The following ITK variants were observed in gnomAD, a reference collection of about 807,000 sequenced individuals.
ITK encodes the protein tyrosine-protein kinase ITK/TSK.
In ITK, 45 loss-of-function variants were observed where a neutral mutation model predicts 87.6. The observed-to-expected ratio is 0.51, with a 90% CI of 0.40 to 0.66. The LOEUF (loss-of-function observed/expected upper bound fraction) is 0.66. Among genes scored for constraint, ITK ranks in the 30% least tolerant of loss-of-function variants. The probability of loss-of-function intolerance (pLI) is 0.00; values close to 1 mark genes in which losing one functional copy is unlikely to be tolerated. For missense variants in ITK, 605 were observed against 766.3 expected, an observed-to-expected ratio of 0.79 and a Z score of 2.48; for synonymous variants, 303 against 273.6, an observed-to-expected ratio of 1.11 and a Z score of -1.06.
intron 7 of ITK, among the ~76,000 whole-genome samples, 162 bp downstream of exon 7, chr5:157,228,523 T>TA (rs1474986861): frequency 5.9e-5 from 9 of 152,120 alleles, no homozygotes; most frequent in East Asian, 1.9e-4. Context: ...GGCTTTCCAC[T>TA]AAAAAAACCA....
At chr5:157,214,340 TC>T in intron 4 of ITK, 21 bp downstream of exon 4, 5 of 1,608,500 alleles carry the variant, frequency 3.1e-6, no homozygotes, top group Non-Finnish European at 4.3e-6. Flanking sequence ...GGGAATTCCC[TC>T]TAGTTTTTGT....
chr5:157,222,109 T>A, intron 5 of ITK, among the ~76,000 whole-genome samples: 1 of 152,210 alleles, frequency 6.6e-6, no homozygotes, highest in East Asian at 1.9e-4. Flanking sequence ...AGAGAACTTG[T>A]GACTTCCTAA....
At chr5:157,198,609 C>A (rs985277646) in intron 1 of ITK, among the ~76,000 whole-genome samples, 1 of 152,152 alleles carries the variant, frequency 6.6e-6, no homozygotes, top group Non-Finnish European at 1.5e-5. Context: ...GTCTTAGCTC[C>A]AGACTTTCCC....
At chr5:157,240,243 G>C in intron 10 of ITK, 48 bp downstream of exon 10, 1 of 1,571,096 alleles carries the variant, frequency 6.4e-7, no homozygotes, top group South Asian at 1.1e-5. Flanking sequence ...CAGGAGGTGA[G>C]CAGCAGGTGA....
chr5:157,213,809 G>A, intron 3 of ITK: 1 of 357,304 alleles, frequency 2.8e-6, no homozygotes, highest in Middle Eastern at 9.7e-4. Flanking sequence ...AAAGGTAGGA[G>A]AGGTGGGGGG....
chr5:157,185,999 C>T (rs981525980), intron 1 of ITK, among the ~76,000 whole-genome samples: 1 of 152,126 alleles, frequency 6.6e-6, no homozygotes, highest in African/African-American at 2.4e-5. Flanking sequence ...TTCACCTAAC[C>T]ATTATAACCA....
chr5:157,242,027 A>G (rs1342554094), intron 11 of ITK, among the ~76,000 whole-genome samples: 1 of 152,240 alleles, frequency 6.6e-6, no homozygotes, highest in Non-Finnish European at 1.5e-5. Flanking sequence ...AAAATATTAG[A>G]AAACCATGCC....
At position 157,237,407 on chromosome 5, in the gene ITK, T is replaced by C. The variant is rs543435525; in HGVS notation, c.769-702T>C. On this transcript the variant is annotated intron_variant, in intron 8 of 16. Coordinates refer to ENST00000422843, the MANE Select transcript of ITK (RefSeq NM_005546.4). ...TGGAAGGAATGGAGAGTGGCAAGGA[T>C]AGAAAAACTACCTATTGGGTAATAT... Among the ~76,000 whole-genome samples the C allele has an allele frequency of 3.9e-5, 6 of 152,312 alleles. No homozygotes were observed. The East Asian group carries it at 1.2e-3, about 29-fold the overall frequency.
At position 157,254,281 on chromosome 5, in the gene ITK, T is replaced by C. The variant is rs1755208078; in HGVS notation, c.*1603T>C. The C allele has an allele frequency of 4.4e-6, 1 of 228,568 alleles. No individual in the cohort carries two copies. The highest frequency in any genetic ancestry group is 2.2e-5 in the African/African-American group (1 of 45,198). The allele number at this position is 228,568 out of a possible 1,614,324, so 14.2% of individuals were successfully genotyped here. A position where few individuals can be genotyped will look rare whatever the true frequency, so the allele number is the denominator to read the frequency against. On this transcript the variant is annotated 3_prime_UTR_variant, in exon 17 of 17. Coordinates refer to ENST00000422843, the MANE Select transcript of ITK (RefSeq NM_005546.4). ...AGGATTTTCCTTTTCCTATTCTGTA[T>C]CCTTACCTTGGTCATGTTAATGACT...
intron 6 of ITK, among the ~76,000 whole-genome samples, chr5:157,223,450 T>C (rs1754467342): frequency 6.6e-6 from 1 of 151,860 alleles, no homozygotes; most frequent in African/African-American, 2.4e-5. Flanking sequence ...ATAGTTATGT[T>C]AGGACGCATC....
In ITK at chr5:157,238,490, A is replaced by G. The variant is rs571715991; in HGVS notation, c.851+299A>G. 8.5e-5 allele frequency among the ~76,000 whole-genome samples: 13 copies of G among 152,360 alleles called. No individual in the cohort carries two copies. The East Asian group carries it at 1.2e-3, about 14-fold the overall frequency. ...GTATTGGATGAGTATATAATTTAATACATAGAATAACAGAAGAGATATTTC... is the reference window on the plus strand; with the variant it reads ...GTATTGGATGAGTATATAATTTAATGCATAGAATAACAGAAGAGATATTTC... On this transcript the variant is annotated intron_variant, in intron 9 of 16. Coordinates refer to ENST00000422843, the MANE Select transcript of ITK (RefSeq NM_005546.4).
At chr5:157,209,642 C>A (rs1382428179) in intron 2 of ITK, among the ~76,000 whole-genome samples, 1 of 152,098 alleles carries the variant, frequency 6.6e-6, no homozygotes, top group East Asian at 1.9e-4. Context: ...GTGCAGTTTA[C>A]TCATGATTTG....
intron 1 of ITK, among the ~76,000 whole-genome samples, chr5:157,192,136 T>C (rs1753763943): frequency 6.6e-6 from 1 of 152,140 alleles, no homozygotes; most frequent in Admixed American, 6.5e-5. Flanking sequence ...GAGGGGAAAA[T>C]ACGTGATCTT....
At chr5:157,182,924 G>A (rs1035729622) in intron 1 of ITK, among the ~76,000 whole-genome samples, 3 of 152,080 alleles carry the variant, frequency 2.0e-5, no homozygotes, top group African/African-American at 7.2e-5. Flanking sequence ...TTTGCATGTA[G>A]ACAAGGTTGT....
intron 1 of ITK, among the ~76,000 whole-genome samples, chr5:157,196,683 C>T (rs996170405): frequency 3.9e-5 from 6 of 152,202 alleles, no homozygotes; most frequent in Non-Finnish European, 7.3e-5. Flanking sequence ...CTTGGTTTTA[C>T]TTGCTGTTCC....
chr5:157,248,811 C>T, intron 15 of ITK, 39 bp from the exon 16 acceptor site: 3 of 1,613,336 alleles, frequency 1.9e-6, no homozygotes, highest in East Asian at 2.2e-5. Context: ...TGTCTGTGGG[C>T]TTTGTCATTC....
At chr5:157,205,550 G>T (rs1754061773) in intron 1 of ITK, among the ~76,000 whole-genome samples, 1 of 152,154 alleles carries the variant, frequency 6.6e-6, no homozygotes, top group Non-Finnish European at 1.5e-5. Context: ...ATGCTTCATA[G>T]GCCACCTTGT....
At chr5:157,228,812 G>A (rs1754588983) in intron 7 of ITK, among the ~76,000 whole-genome samples, 1 of 152,026 alleles carries the variant, frequency 6.6e-6, no homozygotes, top group Non-Finnish European at 1.5e-5. Flanking sequence ...ATTTTTTGTA[G>A]AGACAGGATC....
At chr5:157,213,641 G>A (rs755298542) in intron 3 of ITK, 47 of 438,238 alleles carry the variant, frequency 1.1e-4, no homozygotes, top group Non-Finnish European at 2.0e-4. Context: ...CTCGGCCTAC[G>A]AAAGTACTGG....
Sources: gnomAD v4.1 joint callset for allele counts (sites outside exome capture counted in the v4.1 genomes callset) on GRCh38, gnomAD v4.1.1 for gene constraint, MANE v1.5 for transcripts, NCBI Gene and HGNC (gene_info 2026-07-23, HGNC 2026-07-21) for gene names.